HIVEP2: variants seen among roughly 807,000 people sequenced by gnomAD.
HIVEP2 encodes HIVEP zinc finger 2.
Under a neutral mutation model 180.7 loss-of-function variants are expected in HIVEP2, and 14 were observed. The observed-to-expected ratio is 0.08, with a 90% CI of 0.05 to 0.12. HIVEP2 has a LOEUF of 0.12. Among genes scored for constraint, HIVEP2 ranks in the 10% least tolerant of loss-of-function variants. HIVEP2 has a pLI of 1.00. For missense variants in HIVEP2, 2,579 were observed against 3,008.5 expected (o/e 0.86, Z 3.34); for synonymous variants, 1,184 against 1,136.4 (o/e 1.04, Z -0.84).
intron 1 of HIVEP2, among the ~76,000 whole-genome samples, chr6:142,852,522 C>T (rs1353430854): frequency 1.3e-5 from 2 of 152,154 alleles, no homozygotes; most frequent in African/African-American, 2.4e-5. Context: ...AAAGGCAGCA[C>T]TCTTCTAAAT....
chr6:142,906,878 T>C (rs886816167), intron 1 of HIVEP2, among the ~76,000 whole-genome samples: 13 of 152,216 alleles, frequency 8.5e-5, no homozygotes, highest in Non-Finnish European at 1.9e-4. Context: ...TATAAGATAG[T>C]TATGCATCTT....
intron 9 of HIVEP2, among the ~76,000 whole-genome samples, 163 bp from the exon 10 acceptor site, chr6:142,754,094 A>T (rs1351249427): frequency 6.6e-6 from 1 of 152,138 alleles, no homozygotes; most frequent in East Asian, 1.9e-4. Context: ...GACAAAAGAG[A>T]TTTCTCTGTT....
At chr6:142,812,163 G>A (rs1776715833) in intron 2 of HIVEP2, among the ~76,000 whole-genome samples, 1 of 152,192 alleles carries the variant, frequency 6.6e-6, no homozygotes, top group African/African-American at 2.4e-5. Context: ...TGAAATACCA[G>A]GGAGGACAGC....
intron 2 of HIVEP2, among the ~76,000 whole-genome samples, chr6:142,821,446 C>T (rs1453312740): frequency 1.3e-5 from 2 of 152,182 alleles, no homozygotes; most frequent in Admixed American, 6.5e-5. Context: ...TGCTTTCAGT[C>T]CCATCTCTGC....
chr6:142,893,388 A>AT (rs1776907952), intron 1 of HIVEP2, among the ~76,000 whole-genome samples: 1 of 152,214 alleles, frequency 6.6e-6, no homozygotes, highest in Non-Finnish European at 1.5e-5. Context: ...TGTGCAATTC[A>AT]ATTTCCCTTG....
intron 1 of HIVEP2, among the ~76,000 whole-genome samples, chr6:142,941,086 T>C (rs928126393): frequency 1.3e-5 from 2 of 152,184 alleles, no homozygotes; most frequent in Admixed American, 6.5e-5. Flanking sequence ...TGGGAGTGTA[T>C]GTTAAGATAG....
chr6:142,773,868 C>A lies in HIVEP2; in HGVS notation c.871G>T (p.Ala291Ser). ...TDEESSLFAE[A>S]SDKMSPGPPI... ...GGACCAGGACTCATTTTGTCAGAAG[C>A]CTCGGCAAATAAAGAACTCTCCTCA... Residue 291 changes from alanine to serine, a missense_variant, in exon 5 of 10, where the codon GCT becomes TCT. Physicochemically the swap from Ala to Ser is moderately conservative, Grantham distance 99. Transcript: ENST00000367603. 6.2e-7 allele frequency: 1 copy of A among 1,613,626 alleles called. No homozygotes were observed. Among genetic ancestry groups the A allele is most frequent in the South Asian group, 1.1e-5 (1 of 91,088 alleles).
chr6:142,772,779 G>C lies in HIVEP2; in HGVS notation c.1960C>G (p.Pro654Ala). ...PYKKWEDSET[P>A]KQNYRDISCL... ...GAAATGTCCCTGTAGTTTTGCTTTG[G>C]TGTTTCAGAGTCCTCCCACTTCTTA... The change falls in exon 5 of 10, where the codon CCA (proline) becomes GCA (alanine). Residue 654 changes from proline (P) to alanine (A), a missense_variant. Physicochemically the swap from Pro to Ala is conservative, Grantham distance 27. Around this residue, in one of 11 missense-constraint regions of HIVEP2, gnomAD observed 524 missense variants for 563.6 expected, o/e 0.93. Transcript: ENST00000367603. This position sits in a 1 kb window ranked among gnomAD's most constrained non-coding sequence, Gnocchi z 4.9. 6.2e-7 allele frequency: 1 copy of C among 1,614,140 alleles called. No homozygotes were observed. The highest frequency in any genetic ancestry group is 8.5e-7 in the Non-Finnish European group (1 of 1,180,022).
In HIVEP2 at chr6:142,772,882, G is replaced by A. The variant is rs200807945; in HGVS notation, c.1857C>T (p.Ser619=). The A allele has an allele frequency of 1.5e-5, 25 of 1,614,172 alleles. 2 individuals are homozygous for A. In the African/African-American group the frequency reaches 2.1e-4, roughly 14 times the overall value. ...EHHGRMLKGI[S]SSSLKEKKLS... ...ATTTCTTTTCCTTCAGGGATGAACT[G>A]CTGATACCCTTCAACATCCTGCCAT... Residue 619 remains serine, a synonymous_variant, in exon 5 of 10, where the codon AGC becomes AGT. Coordinates refer to ENST00000367603, the MANE Select transcript of HIVEP2 (RefSeq NM_006734.4). The surrounding 1 kb of genome is among the most constrained non-coding windows in gnomAD (Gnocchi z 4.9).
chr6:142,893,116 A>G (rs1165182221), intron 1 of HIVEP2, among the ~76,000 whole-genome samples: 2 of 152,174 alleles, frequency 1.3e-5, no homozygotes, highest in African/African-American at 4.8e-5. Flanking sequence ...GCCAGGCAGG[A>G]ACTGGAAAGT....
intron 2 of HIVEP2, among the ~76,000 whole-genome samples, chr6:142,785,309 CAAAAAAAAAAAAAAA>C (rs57458259): frequency 4.1e-4 from 27 of 65,392 alleles, no homozygotes; most frequent in Non-Finnish European, 5.5e-4. Context: ...TGGCATTCCT[CAAAAAAAAAAAAAAA>C]AAAAAAAAAA....
At chr6:142,850,852 G>A (rs183219818) in intron 1 of HIVEP2, among the ~76,000 whole-genome samples, 72 of 152,238 alleles carry the variant, frequency 4.7e-4, no homozygotes, top group African/African-American at 1.7e-3. Flanking sequence ...ATACCTCACC[G>A]TGGTTCTCAC....
rs536149805 is a variant in HIVEP2, at chr6:142,813,699, C to T, written c.-528+23236G>A. On this transcript the variant is annotated intron_variant, in intron 2 of 9. Coordinates refer to ENST00000367603, the MANE Select transcript of HIVEP2 (RefSeq NM_006734.4). ...CAAGCAATCTTCCCACCTCAGCCTCCTGAGTAGCTGGGACTATAGGTACAT... is the reference window on the plus strand; with the variant it reads ...CAAGCAATCTTCCCACCTCAGCCTCTTGAGTAGCTGGGACTATAGGTACAT... Among the ~76,000 whole-genome samples, 7 of 151,766 alleles carry T rather than the reference C, an allele frequency of 4.6e-5. No homozygotes were observed. In the East Asian group the frequency reaches 1.4e-3, roughly 29 times the overall value.
At chr6:142,799,528 C>T (rs950846137) in intron 2 of HIVEP2, among the ~76,000 whole-genome samples, 1 of 152,066 alleles carries the variant, frequency 6.6e-6, no homozygotes, top group African/African-American at 2.4e-5. Flanking sequence ...ATTCATATTA[C>T]TATTCATTGT....
intron 1 of HIVEP2, among the ~76,000 whole-genome samples, chr6:142,879,017 G>A (rs1776516977): frequency 6.6e-6 from 1 of 152,098 alleles, no homozygotes; most frequent in Non-Finnish European, 1.5e-5. Context: ...TATAAACTTA[G>A]AAAAAGAGAA....
rs1201269455 is a variant in HIVEP2, at chr6:142,773,951, C to A, written c.788G>T (p.Gly263Val). 1 of 1,614,176 alleles carries A rather than the reference C, an allele frequency of 6.2e-7. No individual in the cohort carries two copies. The highest frequency in any genetic ancestry group is 8.5e-7 in the Non-Finnish European group (1 of 1,180,034). The part of the protein sequence containing the change: ...SAVSKLDLEA[G>V]FIDVEAEIHS... ...TATTTCTGCTTCTACATCAATAAAA[C>A]CAGCCTCTAGGTCCAATTTAGATAC... Residue 263 changes from glycine to valine, a missense_variant, in exon 5 of 10, where the codon GGT becomes GTT. Transcript: ENST00000367603.
rs1416804973 is a variant in HIVEP2 at position 142,771,193 on chromosome 6, G to A, written c.3546C>T (p.His1182=). 6.2e-7 allele frequency: 1 copy of A among 1,614,222 alleles called. No homozygotes were observed. Among genetic ancestry groups the A allele is most frequent in the East Asian group, 2.2e-5 (1 of 44,886 alleles). The change falls in exon 5 of 10, where the codon CAC becomes CAT. Residue 1182 remains histidine (H), a synonymous_variant. Coordinates refer to ENST00000367603, the MANE Select transcript of HIVEP2 (RefSeq NM_006734.4). This position sits in a 1 kb window ranked among gnomAD's most constrained non-coding sequence, Gnocchi z 5.4. ...IQPTSYMTSK[H]LPEQPHLFPH... is the part of the protein sequence containing the mutation. ...GAAATAAGTGTGGCTGTTCAGGTAAGTGCTTGCTTGTCATATAGGATGTTG... is the reference window on the plus strand; with the variant it reads ...GAAATAAGTGTGGCTGTTCAGGTAAATGCTTGCTTGTCATATAGGATGTTG...
chr6:142,861,756 A>G (rs78133590), intron 1 of HIVEP2, among the ~76,000 whole-genome samples: 1,690 of 152,322 alleles, frequency 0.011, 31 homozygotes, highest in African/African-American at 0.038. Context: ...CAAATTATAA[A>G]TAGATAAAAC....
At chr6:142,777,556 G>A (rs1035342103) in intron 3 of HIVEP2, among the ~76,000 whole-genome samples, 2 of 149,666 alleles carry the variant, frequency 1.3e-5, no homozygotes, top group Non-Finnish European at 1.5e-5. Flanking sequence ...GCTGAGGCAG[G>A]AGAATTGTTT....
Sources: gnomAD v4.1 joint callset for allele counts (sites outside exome capture counted in the v4.1 genomes callset) on GRCh38, gnomAD v4.1.1 for gene constraint, gnomAD v4.1.1 regional missense constraint, Gnocchi (gnomAD v3.1) non-coding constraint, MANE v1.5 for transcripts, NCBI Gene and HGNC (gene_info 2026-07-23, HGNC 2026-07-21) for gene names.